Variants in COL27A1 observed in about 807,000 individuals in gnomAD.
The protein encoded by COL27A1 is collagen type XXVII alpha 1 chain.
COL27A1 carries 106 observed loss-of-function variants against 251.3 expected under a neutral mutation model. That is an observed-to-expected ratio of 0.42 (90% confidence interval 0.36 to 0.50). COL27A1 has a LOEUF of 0.50. Ranked by LOEUF, COL27A1 falls within the 20% of genes least tolerant of loss-of-function variation. COL27A1 has a pLI of 0.00. For missense variants in COL27A1, 2,325 were observed against 2,522.8 expected (o/e 0.92, Z 1.68); for synonymous variants, 1,000 against 986.3 (o/e 1.01, Z -0.26).
At chr9:114,302,390 G>T (rs1198641584) in intron 56 of COL27A1, among the ~76,000 whole-genome samples, 4 of 152,156 alleles carry the variant, frequency 2.6e-5, no homozygotes, top group Non-Finnish European at 4.4e-5. Context: ...CTCCATACAC[G>T]TGGGCTGATT....
chr9:114,177,227 A>G (rs573667146), intron 3 of COL27A1, among the ~76,000 whole-genome samples: 1 of 152,230 alleles, frequency 6.6e-6, no homozygotes, highest in Non-Finnish European at 1.5e-5. Flanking sequence ...CCAGGATTTG[A>G]ACAAAGATCA....
intron 41 of COL27A1, among the ~76,000 whole-genome samples, chr9:114,285,158 G>C (rs544463160): frequency 6.6e-6 from 1 of 152,376 alleles, no homozygotes; most frequent in East Asian, 1.9e-4. Flanking sequence ...CCAGTGAAGA[G>C]TGGGGAGAGG....
At chr9:114,214,434 C>A (rs547003778) in intron 12 of COL27A1, among the ~76,000 whole-genome samples, 1 of 152,190 alleles carries the variant, frequency 6.6e-6, no homozygotes, top group African/African-American at 2.4e-5. Context: ...CCCGTGCATG[C>A]GGCCTCCTCA....
At chr9:114,279,665 C>T (rs903841786) in intron 37 of COL27A1, among the ~76,000 whole-genome samples, 1 of 151,124 alleles carries the variant, frequency 6.6e-6, no homozygotes. Flanking sequence ...ATAGTGAGAA[C>T]TTGTTTCTAT....
chr9:114,276,238 G>A (rs1462974547), intron 37 of COL27A1, among the ~76,000 whole-genome samples: 1 of 152,218 alleles, frequency 6.6e-6, no homozygotes, highest in Non-Finnish European at 1.5e-5. Context: ...GAGCCCTCAG[G>A]GACATGCATA....
intron 50 of COL27A1, 142 bp downstream of exon 50, chr9:114,300,265 C>A: frequency 1.3e-6 from 1 of 766,816 alleles, no homozygotes; most frequent in East Asian, 2.7e-5. Flanking sequence ...CACCCTCATC[C>A]CCCAGTACTC....
chr9:114,232,000 A>C, intron 16 of COL27A1, 134 bp downstream of exon 16: 11 of 832,994 alleles, frequency 1.3e-5, no homozygotes, highest in East Asian at 2.5e-5. Context: ...CCTCCCCTAA[A>C]TCTGTGCTCC....
intron 3 of COL27A1, among the ~76,000 whole-genome samples, chr9:114,174,878 G>A (rs1029903477): frequency 2.0e-5 from 3 of 152,178 alleles, no homozygotes; most frequent in African/African-American, 7.2e-5. Context: ...GGTCAGAGAT[G>A]GGAGAGCCCT....
At chr9:114,291,321 G>A (rs1048474463) in intron 48 of COL27A1, among the ~76,000 whole-genome samples, 14 of 152,240 alleles carry the variant, frequency 9.2e-5, no homozygotes, top group Admixed American at 4.6e-4. Context: ...AAGGGGAGAT[G>A]TAGATGAATG....
At chr9:114,158,495 C>T (rs1385740023) in intron 1 of COL27A1, among the ~76,000 whole-genome samples, 3 of 152,214 alleles carry the variant, frequency 2.0e-5, no homozygotes, top group Non-Finnish European at 2.9e-5. Context: ...TGTGATGTTT[C>T]CTCGCGGCTC....
At chr9:114,195,426 G>A (rs778282743) in intron 6 of COL27A1, among the ~76,000 whole-genome samples, 30 of 152,186 alleles carry the variant, frequency 2.0e-4, no homozygotes, top group Non-Finnish European at 3.7e-4. Context: ...GAAAACGGAG[G>A]CCTAGGCAGG....
At chr9:114,206,359 A>G in intron 10 of COL27A1, 63 bp downstream of exon 10, 1 of 1,547,704 alleles carries the variant, frequency 6.5e-7, no homozygotes, top group Non-Finnish European at 8.9e-7. Context: ...CTGTCCCTCC[A>G]GTGGGCTTGA....
chr9:114,301,753 T>TG (rs778140516), intron 55 of COL27A1, 36 bp downstream of exon 55: 2 of 1,600,352 alleles, frequency 1.2e-6, no homozygotes, highest in Non-Finnish European at 1.7e-6. Context: ...CTTGGACTCC[T>TG]GGGGGGTTCC....
Position 114,231,882 on chromosome 9 carries a change from C to G in COL27A1, c.2565+16C>G, listed in dbSNP as rs1351196776. The G allele has an allele frequency of 1.2e-6, 2 of 1,613,318 alleles. No individual in the cohort carries two copies. Among genetic ancestry groups the G allele is most frequent in the Non-Finnish European group, 1.7e-6 (2 of 1,179,294 alleles). On this transcript the variant is annotated intron_variant, in intron 16 of 60. Transcript: ENST00000356083. ...AGGTGATAAGGTGATCTGAATACTC[C>G]CTTATTGCACTGTGGTTTCTCTGCA... is the stretch of plus-strand genomic sequence containing the variant.
chr9:114,289,035 A>G (rs1169710478), intron 44 of COL27A1, 68 bp downstream of exon 44: 1 of 1,578,162 alleles, frequency 6.3e-7, no homozygotes, highest in African/African-American at 1.3e-5. Flanking sequence ...GGAATTAAAG[A>G]ACTAGGCCCT....
At chr9:114,309,180 T>G (rs545266427) in intron 59 of COL27A1, 80 bp from the exon 60 acceptor site, 5 of 1,160,474 alleles carry the variant, frequency 4.3e-6, no homozygotes, top group Admixed American at 3.4e-5. Flanking sequence ...CCCTGTTCCC[T>G]CCATAGAGAG....
At chr9:114,307,969 C>T (rs1043683190) in intron 59 of COL27A1, among the ~76,000 whole-genome samples, 191 bp downstream of exon 59, 1 of 152,192 alleles carries the variant, frequency 6.6e-6, no homozygotes, top group Non-Finnish European at 1.5e-5. Flanking sequence ...TAATTTGTAA[C>T]CACAAACCCT....
At chr9:114,170,384 G>A (rs2135095416) in intron 3 of COL27A1, among the ~76,000 whole-genome samples, 1 of 152,346 alleles carries the variant, frequency 6.6e-6, no homozygotes, top group African/African-American at 2.4e-5. Flanking sequence ...GGGGAATGAT[G>A]GGATGGCGTT....
At chr9:114,157,260 C>G (rs1023875337) in intron 1 of COL27A1, among the ~76,000 whole-genome samples, 1 of 152,234 alleles carries the variant, frequency 6.6e-6, no homozygotes, top group South Asian at 2.1e-4. Flanking sequence ...CAACACTGCT[C>G]GGAGGCCCAG....
Sources: gnomAD v4.1 joint callset for allele counts (sites outside exome capture counted in the v4.1 genomes callset) on GRCh38, gnomAD v4.1.1 for gene constraint, MANE v1.5 for transcripts, NCBI Gene and HGNC (gene_info 2026-07-23, HGNC 2026-07-21) for gene names.